The following RIMBP2 variants were observed in gnomAD, a reference collection of about 807,000 sequenced individuals.
RIMBP2 encodes the protein RIMS binding protein 2.
A neutral mutation model predicts 118.6 loss-of-function variants in RIMBP2; 48 were observed. The ratio of observed to expected loss-of-function variants is 0.40; its 90% CI spans 0.32 to 0.51. The LOEUF (loss-of-function observed/expected upper bound fraction) is 0.51, where lower values mean the gene tolerates loss of function less well. Ranked by LOEUF, RIMBP2 falls within the 20% of genes least tolerant of loss-of-function variation. The pLI, the probability that RIMBP2 is intolerant of heterozygous loss-of-function variation, is 0.41. For synonymous variants in RIMBP2, 762 were observed against 742.9 expected, an observed-to-expected ratio of 1.03 and a Z score of -0.42; for missense variants, 1,551 against 1,768.3, an observed-to-expected ratio of 0.88 and a Z score of 2.20.
chr12:130,434,789 T>G lies in RIMBP2; in HGVS notation c.2198A>C (p.Lys733Thr), dbSNP rs946747512. 2.5e-6 allele frequency: 4 copies of G among 1,613,888 alleles called. No homozygotes were observed. Among genetic ancestry groups the G allele is most frequent in the Non-Finnish European group, 3.4e-6 (4 of 1,179,974 alleles). The change falls in exon 14 of 23, where the codon AAG becomes ACG. Residue 733 changes from lysine (K) to threonine (T), a missense_variant. Lys to Thr is a moderately conservative substitution (Grantham distance 78). This residue lies in a region of RIMBP2 where 1,038 missense variants were observed against 1,125.1 expected (regional missense o/e 0.92). Coordinates refer to ENST00000690449, the MANE Select transcript of RIMBP2 (RefSeq NM_001393629.1). This position sits in a 1 kb window ranked among gnomAD's most constrained non-coding sequence, Gnocchi z 5.7. The part of the protein sequence containing the change: ...EEDAYDSPDF[K>T]RRGASVDDFL... Reference sequence around the variant, plus strand: ...GTCGTCCACCGAGGCGCCCCTCCTCTTGAAGTCTGGAGAGTCATAGGCGTC... The same window carrying G: ...GTCGTCCACCGAGGCGCCCCTCCTCGTGAAGTCTGGAGAGTCATAGGCGTC...
At chr12:130,418,328 A>G (rs894820412) in intron 17 of RIMBP2, among the ~76,000 whole-genome samples, 5 of 152,044 alleles carry the variant, frequency 3.3e-5, no homozygotes, top group Non-Finnish European at 7.4e-5. Context: ...CCATGAAAAA[A>G]CCTGACTTTT....
chr12:130,679,822 T>A (rs528335959), intron 1 of RIMBP2, among the ~76,000 whole-genome samples: 5 of 152,354 alleles, frequency 3.3e-5, no homozygotes, highest in African/African-American at 1.2e-4. Context: ...GTCCCTGTGT[T>A]CACCCACCGC....
intron 2 of RIMBP2, among the ~76,000 whole-genome samples, chr12:130,587,829 TAAAAA>T (rs374788301): frequency 8.2e-6 from 1 of 121,380 alleles, no homozygotes; most frequent in African/African-American, 2.9e-5. Flanking sequence ...TAAAGTATAA[TAAAAA>T]AAAAAAAAGA....
At chr12:130,514,085 C>A (rs1294223223) in intron 3 of RIMBP2, among the ~76,000 whole-genome samples, 1 of 152,220 alleles carries the variant, frequency 6.6e-6, no homozygotes, top group South Asian at 2.1e-4. Flanking sequence ...TCCCTCAATG[C>A]CTCCCATGCA....
chr12:130,699,619 C>T (rs1170561128), intron 1 of RIMBP2, among the ~76,000 whole-genome samples: 3 of 151,548 alleles, frequency 2.0e-5, no homozygotes, highest in South Asian at 2.1e-4. Context: ...AGGAGATATA[C>T]CTAATGCTAA....
At position 130,450,093 on chromosome 12, in the gene RIMBP2, C is replaced by T. The variant is rs1298657967; in HGVS notation, c.581+107G>A. 9.6e-6 allele frequency: 7 copies of T among 730,382 alleles called. No individual in the cohort carries two copies. Among genetic ancestry groups the T allele is most frequent in the Admixed American group, 7.0e-5 (3 of 43,020 alleles). 45.2% of individuals were successfully genotyped at this position (730,382 alleles called of 1,614,324 possible). On this transcript the variant is annotated intron_variant, in intron 9 of 22. Transcript: ENST00000690449. The surrounding 1 kb of genome is among the most constrained non-coding windows in gnomAD (Gnocchi z 4.8). ...CCAGGCTGAAATCCCACCTTCTCCT[C>T]GTGCCCTGGGAGAAGGGAACTTCTC...
At chr12:130,582,355 TGAA>T (rs2058536767) in intron 2 of RIMBP2, among the ~76,000 whole-genome samples, 1 of 152,060 alleles carries the variant, frequency 6.6e-6, no homozygotes, top group African/African-American at 2.4e-5. Context: ...ATTTCAAAGG[TGAA>T]GAAGTGGGAG....
At position 130,671,000 on chromosome 12, in the gene RIMBP2, T is replaced by A. The variant is rs570102227; in HGVS notation, c.-351-42544A>T. Among the ~76,000 whole-genome samples, 1 of 152,292 alleles carries A rather than the reference T, an allele frequency of 6.6e-6. No individual in the cohort carries two copies. The highest frequency in any genetic ancestry group is 2.1e-4 in the South Asian group (1 of 4,822). ...GTCTCAAACTCCTGACTTCAGGTGA[T>A]CTGCCTGCCTTGGCCTCCCAAAGTG... is the stretch of plus-strand genomic sequence containing the variant. On this transcript the variant is annotated intron_variant, in intron 1 of 22. Coordinates refer to ENST00000690449, the MANE Select transcript of RIMBP2 (RefSeq NM_001393629.1). This position sits in a 1 kb window ranked among gnomAD's most constrained non-coding sequence, Gnocchi z 4.9.
rs973735949 is a variant in RIMBP2, at chr12:130,420,913, T to A, written c.3238+1540A>T. On this transcript the variant is annotated intron_variant, in intron 17 of 22. Coordinates refer to ENST00000690449, the MANE Select transcript of RIMBP2 (RefSeq NM_001393629.1). The surrounding 1 kb of genome is among the most constrained non-coding windows in gnomAD (Gnocchi z 4.3). ...TGCCTCTTCCAAAGGACGTCCTTTC[T>A]GAGCGCCTACAGCATTAACTTCTCA... 6.6e-5 allele frequency: 10 copies of A among 152,240 alleles called. No individual in the cohort carries two copies. The highest frequency in any genetic ancestry group is 6.5e-4 in the Admixed American group (10 of 15,286). 9.4% of individuals were successfully genotyped at this position (152,240 alleles called of 1,614,324 possible). A position where few individuals can be genotyped will look rare whatever the true frequency, so the allele number is the denominator to read the frequency against.
At chr12:130,689,186 C>T (rs571173179) in intron 1 of RIMBP2, among the ~76,000 whole-genome samples, 91 of 152,298 alleles carry the variant, frequency 6.0e-4, no homozygotes, top group African/African-American at 2.0e-3. Flanking sequence ...CAGTGGCTCA[C>T]GCCTGTAATC....
rs908641097 is a variant in RIMBP2 at position 130,523,692 on chromosome 12, C to T, written c.-216-5775G>A. Among the ~76,000 whole-genome samples, 2 of 152,236 alleles carry T rather than the reference C, an allele frequency of 1.3e-5. No individual in the cohort carries two copies. Among genetic ancestry groups the T allele is most frequent in the Non-Finnish European group, 2.9e-5 (2 of 68,046 alleles). On this transcript the variant is annotated intron_variant, in intron 2 of 22. Transcript: ENST00000690449. This position sits in a 1 kb window ranked among gnomAD's most constrained non-coding sequence, Gnocchi z 4.4. ...TTCAATAATCCCTCCACCACCACCA[C>T]TGAGTGTGTATGTGTCAGTACCGGG...
chr12:130,643,476 C>T (rs1393180444), intron 1 of RIMBP2, among the ~76,000 whole-genome samples: 1 of 152,120 alleles, frequency 6.6e-6, no homozygotes, highest in African/African-American at 2.4e-5. Context: ...ACAGGCACCC[C>T]ATGGGACTGG....
Position 130,656,281 on chromosome 12 carries a change from G to A in RIMBP2, c.-351-27825C>T, listed in dbSNP as rs372918406. On this transcript the variant is annotated intron_variant, in intron 1 of 22. Coordinates refer to ENST00000690449, the MANE Select transcript of RIMBP2 (RefSeq NM_001393629.1). ...ACCTTCCCTCCCACAGGGGAAGGGA[G>A]GGAAGAGGAGGACGAAGTAGGATCT... is the stretch of plus-strand genomic sequence containing the variant. Among the ~76,000 whole-genome samples the A allele has an allele frequency of 1.5e-4, 23 of 152,288 alleles. No individual in the cohort carries two copies. In the East Asian group the frequency reaches 4.5e-3, roughly 29 times the overall value.
intron 1 of RIMBP2, chr12:130,669,369 T>C (rs1321485544): frequency 6.6e-6 from 1 of 152,214 alleles, no homozygotes; most frequent in East Asian, 1.9e-4. Context: ...CTGGGCTCTG[T>C]GTCTCCACCC....
At chr12:130,561,988 A>G (rs1042050163) in intron 2 of RIMBP2, among the ~76,000 whole-genome samples, 1 of 152,224 alleles carries the variant, frequency 6.6e-6, no homozygotes, top group Non-Finnish European at 1.5e-5. Context: ...AAAGTGCAGA[A>G]AAAATGACGG....
chr12:130,636,340 T>A (rs2062347356), intron 1 of RIMBP2, among the ~76,000 whole-genome samples: 1 of 152,196 alleles, frequency 6.6e-6, no homozygotes, highest in Non-Finnish European at 1.5e-5. Flanking sequence ...TACCTATTGG[T>A]GGTCCTCACA....
intron 2 of RIMBP2, among the ~76,000 whole-genome samples, chr12:130,598,653 G>A (rs865869667): frequency 3.9e-5 from 6 of 152,048 alleles, no homozygotes; most frequent in South Asian, 4.2e-4. Flanking sequence ...GCGTGAACCC[G>A]GGAGGCGGAG....
intron 2 of RIMBP2, among the ~76,000 whole-genome samples, chr12:130,543,416 G>T (rs1307210882): frequency 6.6e-6 from 1 of 152,162 alleles, no homozygotes; most frequent in African/African-American, 2.4e-5. Context: ...AAAGGAAATG[G>T]GAGTTGTCAT....
intron 2 of RIMBP2, among the ~76,000 whole-genome samples, chr12:130,518,563 TAGAGCC>T (rs1390592067): frequency 6.6e-6 from 1 of 152,166 alleles, no homozygotes; most frequent in Non-Finnish European, 1.5e-5. Flanking sequence ...CACCTCCACC[TAGAGCC>T]AGAGCTTTTA....
Sources: allele counts gnomAD v4.1 joint callset (sites outside exome capture counted in the v4.1 genomes callset), GRCh38; gene constraint gnomAD v4.1.1; regional missense constraint gnomAD v4.1.1; non-coding constraint Gnocchi (gnomAD v3.1); transcripts MANE v1.5; gene names NCBI Gene and HGNC (gene_info 2026-07-23, HGNC 2026-07-21).